NELL2: variants seen among roughly 807,000 people sequenced by gnomAD.
The protein encoded by NELL2 is protein kinase C-binding protein NELL2.
Under a neutral mutation model 109.6 loss-of-function variants are expected in NELL2, and 41 were observed. The ratio of observed to expected loss-of-function variants is 0.37; its 90% confidence interval spans 0.29 to 0.49. NELL2 has a LOEUF of 0.49. Ranked by LOEUF, NELL2 falls within the 20% of genes least tolerant of loss-of-function variation. NELL2 has a pLI of 0.98. For missense variants in NELL2, 900 were observed against 1,008.3 expected (o/e 0.89, Z 1.45); for synonymous variants, 355 against 344.7 (o/e 1.03, Z -0.33).
intron 13 of NELL2, among the ~76,000 whole-genome samples, chr12:44,639,407 C>T (rs1044763687): frequency 2.6e-5 from 4 of 152,168 alleles, no homozygotes; most frequent in African/African-American, 9.7e-5. Context: ...TCACTCCACC[C>T]GCAGCGCACT....
intron 15 of NELL2, among the ~76,000 whole-genome samples, chr12:44,559,036 C>T (rs1565924264): frequency 6.6e-6 from 1 of 152,056 alleles, no homozygotes; most frequent in Non-Finnish European, 1.5e-5. Flanking sequence ...GTTTTCCCGT[C>T]ATGGTGTAAA....
chr12:44,734,713 T>C (rs752854949), intron 9 of NELL2, among the ~76,000 whole-genome samples: 24 of 152,102 alleles, frequency 1.6e-4, no homozygotes, highest in East Asian at 1.9e-4. Flanking sequence ...TATTTTAACA[T>C]ATTTATTCTC....
chr12:44,865,375 G>A (rs1247931659), intron 2 of NELL2, among the ~76,000 whole-genome samples: 1 of 140,456 alleles, frequency 7.1e-6, no homozygotes, highest in African/African-American at 2.7e-5. Context: ...TATGTTTATT[G>A]TGGCATTATT....
intron 13 of NELL2, among the ~76,000 whole-genome samples, chr12:44,633,731 C>G (rs1052252687): frequency 1.3e-5 from 2 of 152,076 alleles, no homozygotes; most frequent in African/African-American, 2.4e-5. Context: ...TTACCCACCC[C>G]TAATATGATA....
In NELL2 at chr12:44,532,872, G is replaced by T. The variant is rs1234327411; in HGVS notation, c.1664-151C>A. 5.5e-6 allele frequency: 4 copies of T among 723,982 alleles called. No homozygotes were observed. The East Asian group carries it at 8.3e-5, about 15-fold the overall frequency. The allele number at this position is 723,982 out of a possible 1,614,324, so 44.8% of individuals were successfully genotyped here. Reference sequence around the variant, plus strand: ...AAGAAAGTCTACTTGTTTGTTAACAGCTACACAGAAAGAATGTAGTGTTAT... The same window carrying T: ...AAGAAAGTCTACTTGTTTGTTAACATCTACACAGAAAGAATGTAGTGTTAT... On this transcript the variant is annotated intron_variant, in intron 15 of 19. Transcript: ENST00000429094.
At chr12:44,673,664 T>G (rs1051958882) in intron 12 of NELL2, among the ~76,000 whole-genome samples, 1 of 152,192 alleles carries the variant, frequency 6.6e-6, no homozygotes, top group South Asian at 2.1e-4. Flanking sequence ...AGTTAAGGGA[T>G]AGACCCTGCC....
intron 9 of NELL2, among the ~76,000 whole-genome samples, chr12:44,742,424 G>T (rs532174902): frequency 6.6e-6 from 1 of 152,316 alleles, no homozygotes; most frequent in South Asian, 2.1e-4. Flanking sequence ...AAGGAACGCA[G>T]CTCCTCACCA....
intron 2 of NELL2, among the ~76,000 whole-genome samples, chr12:44,859,198 C>G (rs1944767728): frequency 6.6e-6 from 1 of 152,136 alleles, no homozygotes; most frequent in Non-Finnish European, 1.5e-5. Flanking sequence ...GATCCCCATC[C>G]TTAAAATAGA....
At chr12:44,529,401 G>A (rs1051970207) in intron 16 of NELL2, among the ~76,000 whole-genome samples, 2 of 152,172 alleles carry the variant, frequency 1.3e-5, no homozygotes, top group African/African-American at 2.4e-5. Context: ...TTAAGTCTGA[G>A]TTGTCTATTA....
At chr12:44,654,489 C>T (rs1331574910) in intron 13 of NELL2, among the ~76,000 whole-genome samples, 2 of 152,292 alleles carry the variant, frequency 1.3e-5, no homozygotes, top group African/African-American at 4.8e-5. Context: ...TAATCCCCTT[C>T]GGTTTAGTGT....
intron 15 of NELL2, among the ~76,000 whole-genome samples, chr12:44,553,491 A>AT (rs539403418): frequency 3.1e-4 from 47 of 152,190 alleles, no homozygotes; most frequent in African/African-American, 1.0e-3. Flanking sequence ...CTCTTCTCCT[A>AT]TTTTTTTAAA....
At chr12:44,716,069 G>A (rs571655302) in intron 9 of NELL2, among the ~76,000 whole-genome samples, 4 of 152,062 alleles carry the variant, frequency 2.6e-5, no homozygotes, top group South Asian at 4.2e-4. Context: ...CAAAGTGCTG[G>A]GGTTATAGGC....
chr12:44,628,958 TA>T (rs1946360264), intron 13 of NELL2, among the ~76,000 whole-genome samples: 1 of 152,022 alleles, frequency 6.6e-6, no homozygotes, highest in Non-Finnish European at 1.5e-5. Context: ...AGGTGAGGAA[TA>T]AGACTAATAG....
intron 13 of NELL2, among the ~76,000 whole-genome samples, chr12:44,631,493 T>C (rs541909288): frequency 3.2e-4 from 48 of 152,122 alleles, no homozygotes; most frequent in Non-Finnish European, 2.1e-4. Context: ...TCATTAGTCA[T>C]GGACATAAAG....
chr12:44,780,121 G>C, intron 3 of NELL2, 99 bp from the exon 4 acceptor site: 4 of 1,256,416 alleles, frequency 3.2e-6, no homozygotes, highest in Non-Finnish European at 4.4e-6. Flanking sequence ...ACTTTTCCTA[G>C]TTCTCCCACT....
At chr12:44,723,864 C>T (rs757323649) in intron 9 of NELL2, among the ~76,000 whole-genome samples, 2 of 151,978 alleles carry the variant, frequency 1.3e-5, no homozygotes, top group Non-Finnish European at 2.9e-5. Flanking sequence ...GTACAACTAC[C>T]ATTCAACCCA....
intron 16 of NELL2, among the ~76,000 whole-genome samples, chr12:44,528,988 C>T (rs1489580876): frequency 2.0e-5 from 3 of 152,064 alleles, no homozygotes; most frequent in South Asian, 4.1e-4. Context: ...CAACCATGGT[C>T]AGGGTTTGCA....
At chr12:44,562,742 T>C (rs1943513079) in intron 15 of NELL2, among the ~76,000 whole-genome samples, 1 of 152,208 alleles carries the variant, frequency 6.6e-6, no homozygotes, top group Admixed American at 6.5e-5. Flanking sequence ...GTTCAACCAT[T>C]GTGGAAGGCC....
At chr12:44,642,267 C>A (rs76241533) in intron 13 of NELL2, among the ~76,000 whole-genome samples, 2,347 of 152,030 alleles carry the variant, frequency 0.015, 52 homozygotes, top group African/African-American at 0.054. Flanking sequence ...TGAAAACACT[C>A]ATTAGGAATC....
Sources: allele counts gnomAD v4.1 joint callset (sites outside exome capture counted in the v4.1 genomes callset), GRCh38; gene constraint gnomAD v4.1.1; transcripts MANE v1.5; gene names NCBI Gene and HGNC (gene_info 2026-07-23, HGNC 2026-07-21).